The following TANC2 variants were observed in gnomAD, a reference collection of about 807,000 sequenced individuals.
TANC2 encodes tetratricopeptide repeat, ankyrin repeat and coiled-coil containing 2, also known as protein TANC2.
TANC2 carries 26 observed loss-of-function variants against 210.5 expected under a neutral mutation model. The observed-to-expected ratio is 0.12, with a 90% confidence interval of 0.09 to 0.17. The LOEUF is 0.17. Ranked by LOEUF, TANC2 falls within the 10% of genes least tolerant of loss-of-function variation. The pLI, the probability that TANC2 is intolerant of heterozygous loss-of-function variation, is 1.00. For synonymous variants in TANC2, 931 were observed against 967.1 expected (o/e 0.96, Z 0.69); for missense variants, 2,129 against 2,608.9 (o/e 0.82, Z 4.01).
intron 5 of TANC2, chr17:63,154,906 T>C (rs1392260848): frequency 6.6e-6 from 1 of 152,132 alleles, no homozygotes; most frequent in African/African-American, 2.4e-5. Flanking sequence ...ATTATGCTTT[T>C]ATATAGATAC....
chr17:63,256,063 G>A (rs1240040660), intron 8 of TANC2, among the ~76,000 whole-genome samples: 4 of 151,510 alleles, frequency 2.6e-5, no homozygotes, highest in Non-Finnish European at 5.9e-5. Flanking sequence ...CCACCACCAC[G>A]CCTGGCTAAT....
intron 8 of TANC2, among the ~76,000 whole-genome samples, chr17:63,256,722 C>A (rs1214549960): frequency 1.3e-5 from 2 of 152,172 alleles, no homozygotes; most frequent in African/African-American, 2.4e-5. Flanking sequence ...GTATTCAAAT[C>A]TGTCTATCTC....
At chr17:63,272,928 A>G (rs2043757932) in intron 9 of TANC2, among the ~76,000 whole-genome samples, 1 of 152,126 alleles carries the variant, frequency 6.6e-6, no homozygotes, top group Non-Finnish European at 1.5e-5. Context: ...AGAATCTTGT[A>G]CTATTCTGTT....
At chr17:63,149,247 A>G (rs990357671) in intron 4 of TANC2, 3 of 152,088 alleles carry the variant, frequency 2.0e-5, no homozygotes, top group African/African-American at 7.2e-5. Context: ...GATTAACACC[A>G]TATAGTCCAT....
chr17:63,117,584 G>T (rs566113814), intron 4 of TANC2, among the ~76,000 whole-genome samples: 1 of 152,204 alleles, frequency 6.6e-6, no homozygotes, highest in Non-Finnish European at 1.5e-5. Flanking sequence ...GCTATAAGAA[G>T]TATCACCTGT....
intron 14 of TANC2, among the ~76,000 whole-genome samples, chr17:63,360,159 G>A (rs571115447): frequency 1.8e-4 from 28 of 152,290 alleles, no homozygotes; most frequent in African/African-American, 6.5e-4. Context: ...CAAAATAAAT[G>A]GTGAGTTGAA....
intron 16 of TANC2, 25 bp downstream of exon 16, chr17:63,388,782 TATG>T (rs1161805469): frequency 3.4e-6 from 5 of 1,477,702 alleles, no homozygotes; most frequent in East Asian, 2.5e-5. Context: ...AAATTATAAA[TATG>T]ATAAGGAATT....
intron 4 of TANC2, among the ~76,000 whole-genome samples, chr17:63,100,697 A>G (rs892755910): frequency 6.6e-6 from 1 of 152,154 alleles, no homozygotes; most frequent in Non-Finnish European, 1.5e-5. Context: ...TCCAGTTTCT[A>G]TGTAGAAGTG....
chr17:63,251,085 G>A (rs939217688), intron 8 of TANC2, among the ~76,000 whole-genome samples: 5 of 152,146 alleles, frequency 3.3e-5, no homozygotes, highest in Non-Finnish European at 7.4e-5. Flanking sequence ...GATTTACTCT[G>A]AAGTGGTAGA....
chr17:63,282,389 CAA>C (rs2044085541), intron 9 of TANC2, among the ~76,000 whole-genome samples: 1 of 151,892 alleles, frequency 6.6e-6, no homozygotes, highest in African/African-American at 2.4e-5. Flanking sequence ...ATGAAAATAA[CAA>C]ATTTCTTGAA....
intron 4 of TANC2, among the ~76,000 whole-genome samples, chr17:63,103,093 G>C (rs2037690642): frequency 6.7e-6 from 1 of 148,564 alleles, no homozygotes; most frequent in South Asian, 2.1e-4. Context: ...ATGGATACTG[G>C]GGGACAGCCA....
intron 2 of TANC2, among the ~76,000 whole-genome samples, chr17:63,057,624 C>T (rs1422458618): frequency 6.6e-5 from 10 of 152,066 alleles, no homozygotes; most frequent in African/African-American, 1.7e-4. Flanking sequence ...TGTTGTTTCC[C>T]TCTTTGTTTC....
intron 1 of TANC2, among the ~76,000 whole-genome samples, chr17:62,991,409 C>T (rs1163427261): frequency 2.6e-5 from 4 of 151,844 alleles, no homozygotes; most frequent in Admixed American, 2.0e-4. Context: ...GAGGCCAAGA[C>T]GGGCGGATCA....
chr17:63,067,446 A>G (rs566140726), intron 2 of TANC2, among the ~76,000 whole-genome samples: 1 of 152,188 alleles, frequency 6.6e-6, no homozygotes, highest in South Asian at 2.1e-4. Context: ...TTAAATTTTT[A>G]TCTCTCATGT....
chr17:63,097,982 A>G (rs1567720288), intron 3 of TANC2, among the ~76,000 whole-genome samples: 5 of 152,046 alleles, frequency 3.3e-5, no homozygotes, highest in Non-Finnish European at 7.4e-5. Context: ...TCATAATTTC[A>G]TTCCTCTGCT....
intron 4 of TANC2, among the ~76,000 whole-genome samples, chr17:63,126,610 T>G (rs1447825311): frequency 6.6e-6 from 1 of 152,128 alleles, no homozygotes; most frequent in Non-Finnish European, 1.5e-5. Flanking sequence ...AGTTTCACTG[T>G]GTTGGCCAGG....
intron 8 of TANC2, among the ~76,000 whole-genome samples, chr17:63,261,474 G>T (rs757981257): frequency 6.6e-6 from 1 of 152,060 alleles, no homozygotes; most frequent in Non-Finnish European, 1.5e-5. Flanking sequence ...CTAATACAAG[G>T]GCTCCAAGAA....
chr17:63,405,087 A>G (rs1488908566), intron 19 of TANC2, 35 bp from the exon 20 acceptor site: 3 of 1,581,250 alleles, frequency 1.9e-6, no homozygotes, highest in Non-Finnish European at 2.6e-6. Context: ...GAGGACCAGA[A>G]CCACCTATCC....
rs9894065 is a variant in TANC2, at chr17:63,307,043, G to A, written c.1160-7345G>A. ...AGCATTTACGCTGAAACAAGAAACT[G>A]GAAGGCCAGAAGAGCTGGGGCATAG... On this transcript the variant is annotated intron_variant, in intron 9 of 27. Coordinates refer to ENST00000689528, the Ensembl canonical transcript of TANC2. 7.2e-3 allele frequency among the ~76,000 whole-genome samples: 1,104 copies of A among 152,310 alleles called. 15 individuals carry two copies. The highest frequency in any genetic ancestry group is 0.026 in the African/African-American group (1,062 of 41,562).
Sources: gnomAD v4.1 joint callset for allele counts (sites outside exome capture counted in the v4.1 genomes callset) on GRCh38, gnomAD v4.1.1 for gene constraint, MANE v1.5 for transcripts, NCBI Gene and HGNC (gene_info 2026-07-23, HGNC 2026-07-21) for gene names.